CACNA2D1: variants seen among roughly 807,000 people sequenced by gnomAD.
CACNA2D1 encodes voltage-dependent calcium channel subunit alpha-2/delta-1.
CACNA2D1 carries 53 observed loss-of-function variants against 171.5 expected under a neutral mutation model. The ratio of observed to expected loss-of-function variants is 0.31; its 90% confidence interval spans 0.25 to 0.39. The LOEUF (loss-of-function observed/expected upper bound fraction) is 0.39. Among genes scored for constraint, CACNA2D1 ranks in the 10% least tolerant of loss-of-function variants. The pLI, the probability that CACNA2D1 is intolerant of heterozygous loss-of-function variation, is 1.00. For missense variants in CACNA2D1, 903 were observed against 1,299.8 expected, an observed-to-expected ratio of 0.69 and a Z score of 4.69; for synonymous variants, 442 against 443.1, an observed-to-expected ratio of 1.00 and a Z score of 0.03.
intron 10 of CACNA2D1, among the ~76,000 whole-genome samples, chr7:82,057,559 C>T (rs554727404): frequency 0.03 from 1,167 of 39,424 alleles, 15 homozygotes; most frequent in African/African-American, 0.052. Flanking sequence ...TGCCAGTAGA[C>T]CTACAAGAAA....
intron 3 of CACNA2D1, among the ~76,000 whole-genome samples, chr7:82,299,589 G>T (rs1339074104): frequency 6.6e-6 from 1 of 151,816 alleles, no homozygotes; most frequent in Non-Finnish European, 1.5e-5. Flanking sequence ...GAACCTGGGA[G>T]GCGGAGGTTA....
At chr7:82,358,674 T>G (rs1030991178) in intron 1 of CACNA2D1, among the ~76,000 whole-genome samples, 1 of 138,064 alleles carries the variant, frequency 7.2e-6, no homozygotes, top group Admixed American at 8.4e-5. Flanking sequence ...TCATTTTCTG[T>G]TTTTTTTTTC....
intron 1 of CACNA2D1, among the ~76,000 whole-genome samples, chr7:82,397,413 CG>C (rs1269448000): frequency 6.6e-6 from 1 of 151,826 alleles, no homozygotes; most frequent in Admixed American, 6.6e-5. Flanking sequence ...TTTGGTCCTT[CG>C]TTTTTTTTCT....
intron 3 of CACNA2D1, among the ~76,000 whole-genome samples, chr7:82,214,267 G>A (rs991409445): frequency 2.0e-5 from 3 of 152,074 alleles, no homozygotes; most frequent in Non-Finnish European, 2.9e-5. Context: ...TACCTCTTCC[G>A]AGAAAGCCTT....
In CACNA2D1 at chr7:82,007,708, C is replaced by T. The variant is rs377337212; in HGVS notation, c.1411G>A (p.Gly471Ser). The change falls in exon 16 of 39, where the codon GGC (glycine) becomes AGC (serine). Residue 471 changes from glycine to serine, a missense_variant. Around this residue, in one of 5 missense-constraint regions of CACNA2D1, gnomAD observed 623 missense variants for 925.5 expected, o/e 0.67. Coordinates refer to ENST00000356860, the MANE Select transcript of CACNA2D1 (RefSeq NM_000722.4). ...TGTLPVFNIT[G>S]QFENKTNLKN... is the part of the protein sequence containing the mutation. ...AAGTTTGTCTTATTTTCAAATTGGC[C>T]GGTTATGTTGAAGACCGGAAGAGTT... 8.8e-6 allele frequency: 14 copies of T among 1,597,082 alleles called. No homozygotes were observed. Among genetic ancestry groups the T allele is most frequent in the Admixed American group, 5.0e-5 (3 of 59,846 alleles).
intron 6 of CACNA2D1, among the ~76,000 whole-genome samples, chr7:82,104,712 T>C (rs1813105597): frequency 6.6e-6 from 1 of 152,006 alleles, no homozygotes; most frequent in Admixed American, 6.5e-5. Context: ...CAACATCCTT[T>C]AAAAAATAAG....
intron 3 of CACNA2D1, among the ~76,000 whole-genome samples, chr7:82,310,228 AT>A (rs1381667998): frequency 5.9e-5 from 9 of 151,986 alleles, no homozygotes; most frequent in African/African-American, 2.2e-4. Context: ...AAGAGTTAAT[AT>A]TTAAATTAAT....
chr7:82,222,991 G>A (rs78950328), intron 3 of CACNA2D1, among the ~76,000 whole-genome samples: 7,018 of 149,436 alleles, frequency 0.047, 404 homozygotes, highest in Admixed American at 0.14. Flanking sequence ...TTGGCTCACC[G>A]CAACTCTGCC....
chr7:81,954,422 TC>T (rs1792975515), intron 38 of CACNA2D1, among the ~76,000 whole-genome samples: 2 of 152,006 alleles, frequency 1.3e-5, no homozygotes, highest in South Asian at 2.1e-4. Context: ...TTTATTCCTT[TC>T]TCATTACTCT....
At chr7:82,349,696 AAAAGTCACATGCTGATATTT>A (rs1224466921) in intron 1 of CACNA2D1, 47 bp from the exon 2 acceptor site, 1 of 1,383,380 alleles carries the variant, frequency 7.2e-7, no homozygotes, top group Non-Finnish European at 1.0e-6. Flanking sequence ...TCTGGCAAAT[AAAAGTCACATGCTGATATTT>A]TATATCCACG....
chr7:82,182,328 G>A (rs1224856574), intron 3 of CACNA2D1, among the ~76,000 whole-genome samples: 1 of 151,972 alleles, frequency 6.6e-6, no homozygotes, highest in Non-Finnish European at 1.5e-5. Context: ...CTTTAAAAAG[G>A]AAAAAATATG....
intron 3 of CACNA2D1, among the ~76,000 whole-genome samples, chr7:82,202,043 C>A (rs1799494192): frequency 6.6e-6 from 1 of 152,158 alleles, no homozygotes; most frequent in Non-Finnish European, 1.5e-5. Context: ...TCTGATCCAG[C>A]AAGACACAGC....
chr7:81,955,668 G>A (rs543447397), intron 38 of CACNA2D1, among the ~76,000 whole-genome samples: 7 of 151,892 alleles, frequency 4.6e-5, no homozygotes, highest in African/African-American at 1.7e-4. Flanking sequence ...TCCATACCAT[G>A]AGGACTTCAT....
intron 1 of CACNA2D1, among the ~76,000 whole-genome samples, chr7:82,402,705 CAAAAAAAAAAAAAAAAAAA>C (rs59290672): frequency 1.5e-5 from 1 of 64,824 alleles, no homozygotes; most frequent in Admixed American, 2.2e-4. Context: ...GACTCTGTCT[CAAAAAAAAAAAAAAAAAAA>C]AAAAAAAAGA....
chr7:82,392,873 A>G (rs1450473086), intron 1 of CACNA2D1, among the ~76,000 whole-genome samples: 1 of 151,764 alleles, frequency 6.6e-6, no homozygotes, highest in Admixed American at 6.6e-5. Context: ...TGGGAAAAAA[A>G]CAGACAATAA....
At chr7:82,382,590 G>A (rs1291041480) in intron 1 of CACNA2D1, among the ~76,000 whole-genome samples, 1 of 152,138 alleles carries the variant, frequency 6.6e-6, no homozygotes, top group Non-Finnish European at 1.5e-5. Flanking sequence ...TGGGCGGGAT[G>A]GCAGTCCTCC....
At chr7:82,115,216 T>C (rs1020443716) in intron 6 of CACNA2D1, among the ~76,000 whole-genome samples, 2 of 152,150 alleles carry the variant, frequency 1.3e-5, no homozygotes, top group Admixed American at 6.6e-5. Flanking sequence ...AGAAGGAGAT[T>C]ATTATTTTGT....
At chr7:82,294,694 CA>C (rs1812051958) in intron 3 of CACNA2D1, among the ~76,000 whole-genome samples, 1 of 152,044 alleles carries the variant, frequency 6.6e-6, no homozygotes, top group South Asian at 2.1e-4. Flanking sequence ...AAATTTAAAG[CA>C]GTTATATATC....
At chr7:82,060,397 A>T in intron 10 of CACNA2D1, 31 bp downstream of exon 10, 1 of 1,451,116 alleles carries the variant, frequency 6.9e-7, no homozygotes, top group Non-Finnish European at 9.7e-7. Context: ...TGCAAATTTA[A>T]TTCAGGAAAA....
Sources: allele counts gnomAD v4.1 joint callset (sites outside exome capture counted in the v4.1 genomes callset), GRCh38; gene constraint gnomAD v4.1.1; regional missense constraint gnomAD v4.1.1; transcripts MANE v1.5; gene names NCBI Gene and HGNC (gene_info 2026-07-23, HGNC 2026-07-21).